The following KIF5C variants were observed in gnomAD, a reference collection of about 807,000 sequenced individuals.
KIF5C encodes the protein kinesin heavy chain isoform 5C.
Under a neutral mutation model 125.2 loss-of-function variants are expected in KIF5C, and 18 were observed. The observed-to-expected ratio is 0.14, with a 90% CI of 0.10 to 0.21. The LOEUF (loss-of-function observed/expected upper bound fraction) is 0.21. Ranked by LOEUF, KIF5C falls within the 10% of genes least tolerant of loss-of-function variation. KIF5C has a pLI of 1.00. For synonymous variants in KIF5C, 405 were observed against 434.0 expected, an observed-to-expected ratio of 0.93 and a Z score of 0.83; for missense variants, 780 against 1,183.8, an observed-to-expected ratio of 0.66 and a Z score of 5.01.
At position 148,997,313 on chromosome 2, in the gene KIF5C, G is replaced by A. The variant is rs181099929; in HGVS notation, c.2073G>A (p.Thr691=). The A allele has an allele frequency of 8.7e-6, 14 of 1,613,974 alleles. No individual in the cohort carries two copies. The East Asian group carries it at 1.3e-4, about 15-fold the overall frequency. Residue 691 remains threonine, a synonymous_variant, in exon 18 of 26, where the codon ACG becomes ACA. Coordinates refer to ENST00000435030, the MANE Select transcript of KIF5C (RefSeq NM_004522.3). ...SFQDKEKEHL[T]RLQDAEEMKK... Reference sequence around the variant, plus strand: ...AGGATAAGGAGAAGGAACATCTGACGCGGTTGCAGGATGCTGAAGAAATGA... The same window carrying A: ...AGGATAAGGAGAAGGAACATCTGACACGGTTGCAGGATGCTGAAGAAATGA...
chr2:148,953,209 T>G (rs1178590449), intron 10 of KIF5C, among the ~76,000 whole-genome samples: 1 of 152,204 alleles, frequency 6.6e-6, no homozygotes, highest in African/African-American at 2.4e-5. Context: ...AGGTGGTCAA[T>G]AAATAAATGC....
intron 3 of KIF5C, among the ~76,000 whole-genome samples, chr2:148,933,811 CACAG>C (rs1413881341): frequency 6.6e-6 from 1 of 151,500 alleles, no homozygotes; most frequent in African/African-American, 2.4e-5. Flanking sequence ...ATGATACACA[CACAG>C]ACATATGCAC....
chr2:148,942,508 T>C (rs1682431561), intron 6 of KIF5C, among the ~76,000 whole-genome samples, 165 bp from the exon 7 acceptor site: 1 of 152,236 alleles, frequency 6.6e-6, no homozygotes, highest in Admixed American at 6.5e-5. Context: ...TTCTCTTTAA[T>C]GTAGAATTCA....
intron 1 of KIF5C, among the ~76,000 whole-genome samples, chr2:148,901,190 C>T (rs1680889092): frequency 6.6e-6 from 1 of 152,072 alleles, no homozygotes; most frequent in Non-Finnish European, 1.5e-5. Flanking sequence ...AAAAATAAAG[C>T]AATATGAGAA....
At chr2:148,968,526 C>A (rs1160940279) in intron 11 of KIF5C, among the ~76,000 whole-genome samples, 4 of 152,038 alleles carry the variant, frequency 2.6e-5, no homozygotes, top group African/African-American at 7.2e-5. Context: ...ATTTACTAGG[C>A]CCTCTGCTTG....
chr2:148,978,261 G>A (rs77524978), intron 12 of KIF5C, among the ~76,000 whole-genome samples: 3,174 of 148,940 alleles, frequency 0.021, 102 homozygotes, highest in African/African-American at 0.067. Context: ...TGAGAAGAGC[G>A]AATTTGCCTT....
At chr2:148,948,678 TCC>T (rs10561293) in intron 8 of KIF5C, among the ~76,000 whole-genome samples, 16,897 of 152,226 alleles carry the variant, frequency 0.11, 1,273 homozygotes, top group Middle Eastern at 0.2. Context: ...AGTTCCCGTC[TCC>T]CCTGAATGGT....
chr2:149,006,862 T>C (rs1275555067), intron 22 of KIF5C, among the ~76,000 whole-genome samples: 2 of 152,056 alleles, frequency 1.3e-5, no homozygotes, highest in Non-Finnish European at 2.9e-5. Flanking sequence ...TGACATGGAC[T>C]GAAAAGGTTC....
intron 1 of KIF5C, among the ~76,000 whole-genome samples, chr2:148,894,827 A>G (rs1312584762): frequency 6.6e-6 from 1 of 151,098 alleles, no homozygotes; most frequent in East Asian, 1.9e-4. Context: ...TCCAAATATT[A>G]TATAAACATT....
rs1327117983 is a variant in KIF5C at position 149,023,404 on chromosome 2, C to T, written c.*334C>T. ...GCAGTGCACTGTCCCATCTGTACGCCCTAATGTGCCATTCCCTAGAGGGGA... is the reference window on the plus strand; with the variant it reads ...GCAGTGCACTGTCCCATCTGTACGCTCTAATGTGCCATTCCCTAGAGGGGA... On this transcript the variant is annotated 3_prime_UTR_variant, in exon 26 of 26. Coordinates refer to ENST00000435030, the MANE Select transcript of KIF5C (RefSeq NM_004522.3). The T allele has an allele frequency of 6.6e-6, 1 of 152,570 alleles. No homozygotes were observed. The highest frequency in any genetic ancestry group is 1.5e-5 in the Non-Finnish European group (1 of 68,032). The allele number at this position is 152,570 out of a possible 1,614,324, so 9.5% of individuals were successfully genotyped here.
intron 1 of KIF5C, among the ~76,000 whole-genome samples, chr2:148,916,695 TCA>T (rs1681566442): frequency 6.6e-6 from 1 of 152,188 alleles, no homozygotes; most frequent in Non-Finnish European, 1.5e-5. Flanking sequence ...AACTCTTTGT[TCA>T]TTGGACTAAT....
intron 16 of KIF5C, among the ~76,000 whole-genome samples, chr2:148,992,931 G>A (rs1681564863): frequency 6.6e-6 from 1 of 152,162 alleles, no homozygotes. Context: ...CCAAGGCAAG[G>A]GTACTCATGG....
chr2:149,015,901 G>A (rs971613570), intron 25 of KIF5C, among the ~76,000 whole-genome samples: 1 of 152,198 alleles, frequency 6.6e-6, no homozygotes, highest in African/African-American at 2.4e-5. Context: ...CTTGTTAGGG[G>A]AAGATGGACA....
At chr2:148,905,644 C>T (rs1391060704) in intron 1 of KIF5C, among the ~76,000 whole-genome samples, 3 of 152,042 alleles carry the variant, frequency 2.0e-5, no homozygotes, top group African/African-American at 7.2e-5. Context: ...AAGGATAGCA[C>T]ACATGTAGTC....
chr2:148,960,755 C>T (rs1431400253), intron 10 of KIF5C, among the ~76,000 whole-genome samples: 1 of 152,226 alleles, frequency 6.6e-6, no homozygotes, highest in African/African-American at 2.4e-5. Context: ...CATTTGCTGA[C>T]AACGGTAATT....
intron 13 of KIF5C, among the ~76,000 whole-genome samples, chr2:148,980,486 T>C (rs2105157728): frequency 6.6e-6 from 1 of 152,202 alleles, no homozygotes; most frequent in Admixed American, 6.5e-5. Context: ...TAACTAAAGA[T>C]ACTGTTTGGG....
At chr2:148,913,403 CCTTAA>C (rs1393628685) in intron 1 of KIF5C, among the ~76,000 whole-genome samples, 9 of 152,180 alleles carry the variant, frequency 5.9e-5, no homozygotes, top group African/African-American at 2.2e-4. Flanking sequence ...AACTGAGGGG[CCTTAA>C]CTTATTATAA....
chr2:148,950,011 C>A, intron 9 of KIF5C, 68 bp downstream of exon 9: 1 of 1,537,132 alleles, frequency 6.5e-7, no homozygotes. Flanking sequence ...CTCATAGTCC[C>A]TTTGCCACAC....
chr2:148,980,824 G>C (rs1202835359), intron 13 of KIF5C, among the ~76,000 whole-genome samples: 2 of 151,894 alleles, frequency 1.3e-5, no homozygotes, highest in Non-Finnish European at 1.5e-5. Context: ...TCCTGCCTCA[G>C]CTTCCCAAGT....
Sources: gnomAD v4.1 joint callset for allele counts (sites outside exome capture counted in the v4.1 genomes callset) on GRCh38, gnomAD v4.1.1 for gene constraint, MANE v1.5 for transcripts, NCBI Gene and HGNC (gene_info 2026-07-23, HGNC 2026-07-21) for gene names.